PRKD1: variants seen among roughly 807,000 people sequenced by gnomAD.
The protein encoded by PRKD1 is protein kinase D1.
Under a neutral mutation model 95.9 loss-of-function variants are expected in PRKD1, and 63 were observed. The ratio of observed to expected loss-of-function variants is 0.66; its 90% CI spans 0.54 to 0.81. The LOEUF is 0.81. PRKD1 is among the 30% of genes least tolerant of loss of function. PRKD1 has a pLI of 0.00. For synonymous variants in PRKD1, 425 were observed against 423.1 expected, an observed-to-expected ratio of 1.00 and a Z score of -0.05; for missense variants, 1,048 against 1,165.3, an observed-to-expected ratio of 0.90 and a Z score of 1.47.
chr14:29,782,658 G>GTT (rs1889101026), intron 1 of PRKD1, among the ~76,000 whole-genome samples: 1 of 151,988 alleles, frequency 6.6e-6, no homozygotes, highest in Non-Finnish European at 1.5e-5. Context: ...AACCTCCCAA[G>GTT]TTGCCAGGAC....
intron 13 of PRKD1, among the ~76,000 whole-genome samples, chr14:29,611,916 G>C (rs1878497997): frequency 6.6e-6 from 1 of 152,102 alleles, no homozygotes; most frequent in Non-Finnish European, 1.5e-5. Context: ...GCTGGAAACA[G>C]TAACACAAAA....
intron 14 of PRKD1, 56 bp from the exon 15 acceptor site, chr14:29,599,181 C>T: frequency 6.7e-7 from 1 of 1,487,730 alleles, no homozygotes; most frequent in Non-Finnish European, 9.3e-7. Context: ...AAAATGTCTT[C>T]TACCAGTTAA....
At chr14:29,875,839 CCA>C (rs1387331025) in intron 1 of PRKD1, among the ~76,000 whole-genome samples, 1 of 152,108 alleles carries the variant, frequency 6.6e-6, no homozygotes, top group Non-Finnish European at 1.5e-5. Flanking sequence ...CCACATTTCC[CCA>C]GTAACACTTA....
chr14:29,680,133 T>A (rs962020846), intron 2 of PRKD1, among the ~76,000 whole-genome samples: 4 of 152,174 alleles, frequency 2.6e-5, no homozygotes, highest in African/African-American at 9.7e-5. Flanking sequence ...TAGAATGCAA[T>A]AACATAGTCG....
Position 29,927,585 on chromosome 14 carries a change from C to A in PRKD1, c.-73G>T. On this transcript the variant is annotated 5_prime_UTR_variant, in exon 1 of 18. Coordinates refer to ENST00000331968, the MANE Select transcript of PRKD1 (RefSeq NM_002742.3). The stretch of plus-strand genomic sequence containing the variant: ...CGCGGCAGCAGGAAAGTTTTGCAGC[C>A]GCTGAGCCAGGAGCTTCTTTCTCCG... The A allele has an allele frequency of 2.8e-6, 3 of 1,078,134 alleles. No individual in the cohort carries two copies. The highest frequency in any genetic ancestry group is 3.4e-6 in the Non-Finnish European group (3 of 884,454). 66.8% of individuals were successfully genotyped at this position (1,078,134 alleles called of 1,614,324 possible). A position where few individuals can be genotyped will look rare whatever the true frequency, so the allele number is the denominator to read the frequency against.
intron 6 of PRKD1, among the ~76,000 whole-genome samples, chr14:29,636,952 TCA>T (rs960256759): frequency 2.6e-5 from 4 of 152,202 alleles, no homozygotes; most frequent in African/African-American, 9.7e-5. Context: ...CTTTTTTATT[TCA>T]GTTTATATGC....
intron 1 of PRKD1, among the ~76,000 whole-genome samples, chr14:29,901,787 G>A (rs1308131261): frequency 3.3e-5 from 5 of 151,924 alleles, no homozygotes; most frequent in African/African-American, 4.8e-5. Flanking sequence ...CACTCAAGCC[G>A]TATTTATTTT....
At position 29,789,544 on chromosome 14, in the gene PRKD1, G is replaced by A. The variant is rs149353356; in HGVS notation, c.265-63870C>T. Among the ~76,000 whole-genome samples the A allele has an allele frequency of 4.0e-3, 611 of 152,262 alleles. 5 individuals carry two copies. Among genetic ancestry groups the A allele is most frequent in the African/African-American group, 0.014 (566 of 41,568 alleles). On this transcript the variant is annotated intron_variant, in intron 1 of 17. Coordinates refer to ENST00000331968, the MANE Select transcript of PRKD1 (RefSeq NM_002742.3). ...GTCTGTGAGTTCCTCAGTGGCTTGG[G>A]CTGTCGTGAGACTGCTGGTAGTGGG...
chr14:29,743,313 C>A (rs1305542521), intron 1 of PRKD1, among the ~76,000 whole-genome samples: 1 of 152,118 alleles, frequency 6.6e-6, no homozygotes, highest in Non-Finnish European at 1.5e-5. Flanking sequence ...CATCTAGATT[C>A]AGTCACTGCA....
chr14:29,853,258 G>A (rs888094412), intron 1 of PRKD1, among the ~76,000 whole-genome samples: 2 of 152,036 alleles, frequency 1.3e-5, no homozygotes, highest in Non-Finnish European at 2.9e-5. Flanking sequence ...AAACATAAAG[G>A]GAGACATAGA....
chr14:29,698,611 C>T (rs1390928981), intron 2 of PRKD1, among the ~76,000 whole-genome samples: 2 of 151,864 alleles, frequency 1.3e-5, no homozygotes, highest in Non-Finnish European at 2.9e-5. Context: ...GGCCTTCCTT[C>T]CTCTATAGAA....
intron 2 of PRKD1, among the ~76,000 whole-genome samples, chr14:29,671,902 A>G (rs1485594007): frequency 6.6e-6 from 1 of 152,224 alleles, no homozygotes; most frequent in Non-Finnish European, 1.5e-5. Context: ...AATATTCTAT[A>G]AAATGTTGAT....
intron 9 of PRKD1, among the ~76,000 whole-genome samples, chr14:29,632,436 T>C (rs1461939471): frequency 6.6e-6 from 1 of 152,078 alleles, no homozygotes; most frequent in African/African-American, 2.4e-5. Flanking sequence ...TTTTTTTCTC[T>C]AGAGGAAAGT....
intron 2 of PRKD1, among the ~76,000 whole-genome samples, chr14:29,670,190 T>C (rs1882758694): frequency 6.6e-6 from 1 of 152,118 alleles, no homozygotes; most frequent in South Asian, 2.1e-4. Context: ...TTAATATATC[T>C]AGAACCTCCT....
At chr14:29,752,229 C>T (rs543480880) in intron 1 of PRKD1, among the ~76,000 whole-genome samples, 1 of 152,170 alleles carries the variant, frequency 6.6e-6, no homozygotes, top group Non-Finnish European at 1.5e-5. Flanking sequence ...TGCTACATAC[C>T]TCTTATATCA....
chr14:29,858,997 T>C (rs1594582411), intron 1 of PRKD1, among the ~76,000 whole-genome samples: 1 of 152,198 alleles, frequency 6.6e-6, no homozygotes, highest in Admixed American at 6.5e-5. Flanking sequence ...ATTACTATCT[T>C]TTTAATTACA....
chr14:29,599,665 TA>T lies in PRKD1; in HGVS notation c.2057del (p.Leu686Ter). 6.2e-7 allele frequency: 1 copy of T among 1,610,360 alleles called. No individual in the cohort carries two copies. The highest frequency in any genetic ancestry group is 8.5e-7 in the Non-Finnish European group (1 of 1,178,828). The part of the protein sequence containing the change: ...GRLPEHITKF[L>X]ITQILVALRH... ...CTAATTGATTTCTTACCTGAGTAAT[TA>T]AAAACTTCGTTATGTGCTCTGGCAA... On this transcript the variant is annotated frameshift_variant, in exon 14 of 18. Coordinates refer to ENST00000331968, the MANE Select transcript of PRKD1 (RefSeq NM_002742.3). LOFTEE classifies it high-confidence loss of function.
In PRKD1 at chr14:29,725,718, C is replaced by T. The variant is rs182687700; in HGVS notation, c.265-44G>A. The T allele has an allele frequency of 5.8e-5, 92 of 1,581,918 alleles. No individual in the cohort carries two copies. The African/African-American group carries it at 1.1e-3, about 18-fold the overall frequency. On this transcript the variant is annotated intron_variant, in intron 1 of 17. Coordinates refer to ENST00000331968, the MANE Select transcript of PRKD1 (RefSeq NM_002742.3). ...TGAGAGTGTAAATGTCAAAATCCTT[C>T]CAAATATTTTGTTTTAAATATTTCA...
intron 11 of PRKD1, among the ~76,000 whole-genome samples, chr14:29,627,953 G>A (rs1191605): frequency 0.93 from 141,942 of 152,266 alleles, 66,466 homozygotes; most frequent in Non-Finnish European, 0.98. Context: ...CTCAATGGCC[G>A]ATCCAAAATC....
Sources: allele counts gnomAD v4.1 joint callset (sites outside exome capture counted in the v4.1 genomes callset), GRCh38; gene constraint gnomAD v4.1.1; transcripts MANE v1.5; gene names NCBI Gene and HGNC (gene_info 2026-07-23, HGNC 2026-07-21).